The following MYO9B variants were observed in gnomAD, a reference collection of about 807,000 sequenced individuals.
The protein encoded by MYO9B is unconventional myosin-IXb.
Under a neutral mutation model 229.5 loss-of-function variants are expected in MYO9B, and 71 were observed. That is an observed-to-expected ratio of 0.31 (90% CI 0.26 to 0.38). The LOEUF (loss-of-function observed/expected upper bound fraction) is 0.38, where lower values mean the gene tolerates loss of function less well. MYO9B is among the 10% of genes least tolerant of loss of function. MYO9B has a pLI of 1.00. For synonymous variants in MYO9B, 1,185 were observed against 1,235.8 expected (o/e 0.96, Z 0.86); for missense variants, 2,255 against 2,920.5 (o/e 0.77, Z 5.25).
rs541302274 is a variant in MYO9B at position 17,134,926 on chromosome 19, G to A, written c.841-10471G>A. 1.4e-4 allele frequency among the ~76,000 whole-genome samples: 21 copies of A among 151,816 alleles called. No homozygotes were observed. In the South Asian group the frequency reaches 3.3e-3, roughly 24 times the overall value. On this transcript the variant is annotated intron_variant, in intron 2 of 39. Coordinates refer to ENST00000682292, the MANE Select transcript of MYO9B (RefSeq NM_004145.4). Reference sequence around the variant, plus strand: ...TTACAGGCATGCACCACCACACCCGGCTAATTTTTGTATTTTTAGTAGAGA... The same window carrying A: ...TTACAGGCATGCACCACCACACCCGACTAATTTTTGTATTTTTAGTAGAGA...
intron 1 of MYO9B, among the ~76,000 whole-genome samples, chr19:17,091,374 C>T (rs2057636301): frequency 6.6e-6 from 1 of 152,196 alleles, no homozygotes; most frequent in African/African-American, 2.4e-5. Flanking sequence ...TATAGATGTG[C>T]ACCACCACGC....
intron 14 of MYO9B, among the ~76,000 whole-genome samples, chr19:17,176,311 C>T (rs184351963): frequency 1.8e-4 from 28 of 152,220 alleles, no homozygotes; most frequent in African/African-American, 6.5e-4. Flanking sequence ...GCTGGGATTA[C>T]AGGCGTGAGC....
At chr19:17,174,495 C>T (rs148202879) in intron 13 of MYO9B, among the ~76,000 whole-genome samples, 2 of 152,256 alleles carry the variant, frequency 1.3e-5, no homozygotes, top group African/African-American at 4.8e-5. Context: ...ATTAGCCAGG[C>T]ATGGTAGTGC....
chr19:17,105,060 C>T (rs1293360164), intron 2 of MYO9B, among the ~76,000 whole-genome samples: 1 of 152,100 alleles, frequency 6.6e-6, no homozygotes, highest in Non-Finnish European at 1.5e-5. Context: ...TTCATCCCTC[C>T]ATGACCTTTG....
At chr19:17,127,413 G>A (rs1051826573) in intron 2 of MYO9B, among the ~76,000 whole-genome samples, 14 of 149,690 alleles carry the variant, frequency 9.4e-5, no homozygotes, top group South Asian at 8.4e-4. Context: ...TGCAACCTTC[G>A]CCTCCCAGGT....
chr19:17,114,284 C>T (rs1248725865), intron 2 of MYO9B, among the ~76,000 whole-genome samples: 2 of 152,166 alleles, frequency 1.3e-5, no homozygotes, highest in Admixed American at 6.5e-5. Flanking sequence ...CGACCAAATT[C>T]GGCACGATTG....
intron 1 of MYO9B, among the ~76,000 whole-genome samples, chr19:17,081,619 G>A (rs1048734558): frequency 6.6e-6 from 1 of 151,912 alleles, no homozygotes; most frequent in Non-Finnish European, 1.5e-5. Flanking sequence ...GACCAGCCTG[G>A]CCAACATGAT....
intron 2 of MYO9B, among the ~76,000 whole-genome samples, chr19:17,113,024 A>G (rs2057863671): frequency 1.3e-5 from 2 of 152,236 alleles, no homozygotes; most frequent in African/African-American, 4.8e-5. Context: ...GAAGTCACCC[A>G]TGTCACGAGG....
In MYO9B at chr19:17,197,818, G is replaced by A. The variant is rs1444086777; in HGVS notation, c.4073G>A (p.Ser1358Asn). The change falls in exon 23 of 40, where the codon AGC (serine) becomes AAC (asparagine). Residue 1358 changes from serine to asparagine, a missense_variant. Coordinates refer to ENST00000682292, the MANE Select transcript of MYO9B (RefSeq NM_004145.4). ...GAGAGGCGCACCTCCTTCTCCACGA[G>A]CGACGTCTCCAAGCTCCTCCCGTCC... ...TEERRTSFST[S>N]DVSKLLPSLA... The A allele has an allele frequency of 6.2e-7, 1 of 1,613,772 alleles. No individual in the cohort carries two copies. Among genetic ancestry groups the A allele is most frequent in the Admixed American group, 1.7e-5 (1 of 60,012 alleles).
intron 1 of MYO9B, among the ~76,000 whole-genome samples, chr19:17,079,137 C>T (rs1421613211): frequency 6.6e-6 from 1 of 152,210 alleles, no homozygotes; most frequent in Non-Finnish European, 1.5e-5. Flanking sequence ...ATCACCTCCC[C>T]CGCCAGGTGA....
intron 31 of MYO9B, 118 bp from the exon 32 acceptor site, chr19:17,205,842 C>T: frequency 3.0e-6 from 3 of 1,002,504 alleles, no homozygotes; most frequent in South Asian, 3.5e-5. Context: ...CAGGGAGGGA[C>T]AGAACAGCAG....
intron 2 of MYO9B, among the ~76,000 whole-genome samples, chr19:17,133,454 A>G (rs1030317805): frequency 6.6e-6 from 1 of 151,836 alleles, no homozygotes; most frequent in African/African-American, 2.4e-5. Flanking sequence ...CCAGTATTCT[A>G]CTTTCTACTT....
In MYO9B at chr19:17,153,833, T is replaced by TA. The variant is rs1326532410; in HGVS notation, c.999-132dup. On this transcript the variant is annotated intron_variant, in intron 4 of 39. Coordinates refer to ENST00000682292, the MANE Select transcript of MYO9B (RefSeq NM_004145.4). Reference sequence around the variant, plus strand: ...TTTGTTTTGTTTTTTTAAGACATAGTAAGAACTGACGTACTGTTTTAAATT... The same window carrying TA: ...TTTGTTTTGTTTTTTTAAGACATAGTAAAGAACTGACGTACTGTTTTAAATT... The TA allele has an allele frequency of 6.0e-6, 4 of 662,422 alleles. No individual in the cohort carries two copies. In the East Asian group the frequency reaches 1.1e-4, roughly 17 times the overall value. The allele number at this position is 662,422 out of a possible 1,614,324, so 41.0% of individuals were successfully genotyped here. A position where few individuals can be genotyped will look rare whatever the true frequency, so the allele number is the denominator to read the frequency against.
intron 2 of MYO9B, among the ~76,000 whole-genome samples, chr19:17,108,502 G>T (rs928737175): frequency 3.3e-5 from 5 of 152,094 alleles, no homozygotes; most frequent in African/African-American, 1.2e-4. Flanking sequence ...CACCCCGCAG[G>T]TGTGACACCC....
intron 14 of MYO9B, among the ~76,000 whole-genome samples, chr19:17,176,316 G>C (rs188784545): frequency 6.6e-6 from 1 of 152,074 alleles, no homozygotes; most frequent in African/African-American, 2.4e-5. Flanking sequence ...GATTACAGGC[G>C]TGAGCCACTG....
chr19:17,139,712 C>T (rs2145208489), intron 2 of MYO9B, among the ~76,000 whole-genome samples: 1 of 152,264 alleles, frequency 6.6e-6, no homozygotes, highest in South Asian at 2.1e-4. Flanking sequence ...GCACTCTAGC[C>T]TGGGCGACAG....
intron 14 of MYO9B, 48 bp from the exon 15 acceptor site, chr19:17,180,879 A>G (rs2072851297): frequency 7.5e-7 from 1 of 1,339,122 alleles, no homozygotes; most frequent in African/African-American, 1.4e-5. Context: ...GCCTGCTTCT[A>G]ACTCCATCTT....
intron 1 of MYO9B, among the ~76,000 whole-genome samples, chr19:17,097,463 C>A (rs2057704097): frequency 6.6e-6 from 1 of 152,114 alleles, no homozygotes; most frequent in African/African-American, 2.4e-5. Context: ...AATGCACTGA[C>A]ATATCAAGGA....
chr19:17,114,352 C>T lies in MYO9B; in HGVS notation c.840+11795C>T, dbSNP rs2057879256. 2.0e-5 allele frequency among the ~76,000 whole-genome samples: 3 copies of T among 152,132 alleles called. No individual in the cohort carries two copies. In the South Asian group the frequency reaches 6.2e-4, roughly 31 times the overall value. ...TTCAGTCCGGCGTTCTCCCTCGTCC[C>T]TTGGGGGAGGTGACTGGTGTGCCTC... On this transcript the variant is annotated intron_variant, in intron 2 of 39. Coordinates refer to ENST00000682292, the MANE Select transcript of MYO9B (RefSeq NM_004145.4).
Sources: allele counts gnomAD v4.1 joint callset (sites outside exome capture counted in the v4.1 genomes callset), GRCh38; gene constraint gnomAD v4.1.1; transcripts MANE v1.5; gene names NCBI Gene and HGNC (gene_info 2026-07-23, HGNC 2026-07-21).